DPYSL3: variants seen among roughly 807,000 people sequenced by gnomAD.
The protein encoded by DPYSL3 is dihydropyrimidinase-related protein 3.
Under a neutral mutation model 66.1 loss-of-function variants are expected in DPYSL3, and 16 were observed. The ratio of observed to expected loss-of-function variants is 0.24; its 90% CI spans 0.16 to 0.37. DPYSL3 has a LOEUF of 0.37. Among genes scored for constraint, DPYSL3 ranks in the 10% least tolerant of loss-of-function variants. The pLI is 1.00. For synonymous variants in DPYSL3, 338 were observed against 345.1 expected (o/e 0.98, Z 0.23); for missense variants, 738 against 916.2 (o/e 0.81, Z 2.51).
rs1757806652 is a variant in DPYSL3, at chr5:147,391,606, C to T, written c.*2429G>A. On this transcript the variant is annotated 3_prime_UTR_variant, in exon 14 of 14. Coordinates refer to ENST00000343218, the MANE Select transcript of DPYSL3 (RefSeq NM_001197294.2). The stretch of plus-strand genomic sequence containing the variant: ...CCAGTGAATTCGAAGAGGGCCGGGA[C>T]TCACCATTGTTTTCTTTTCCTAAAC... 6.6e-6 allele frequency: 1 copy of T among 152,220 alleles called. No homozygotes were observed. 9.4% of individuals were successfully genotyped at this position (152,220 alleles called of 1,614,324 possible). A position where few individuals can be genotyped will look rare whatever the true frequency, so the allele number is the denominator to read the frequency against.
intron 1 of DPYSL3, among the ~76,000 whole-genome samples, chr5:147,472,475 C>A (rs1254143443): frequency 6.6e-6 from 1 of 152,166 alleles, no homozygotes. Context: ...GAATTCTTTG[C>A]TTCCAACCTC....
At chr5:147,412,516 G>T (rs927968148) in intron 6 of DPYSL3, 92 bp downstream of exon 6, 11 of 1,274,198 alleles carry the variant, frequency 8.6e-6, no homozygotes, top group African/African-American at 1.5e-5. Context: ...ATGGTGCCTT[G>T]CACATATTGA....
At chr5:147,409,506 A>G (rs1403888016) in intron 6 of DPYSL3, among the ~76,000 whole-genome samples, 1 of 152,232 alleles carries the variant, frequency 6.6e-6, no homozygotes, top group Non-Finnish European at 1.5e-5. Flanking sequence ...TACCTAAGTT[A>G]GTGTCTTGGT....
chr5:147,489,245 C>A (rs1753379442), intron 1 of DPYSL3, among the ~76,000 whole-genome samples: 1 of 152,084 alleles, frequency 6.6e-6, no homozygotes, highest in African/African-American at 2.4e-5. Flanking sequence ...TGTTCTCAGT[C>A]TTCAGAAATT....
In DPYSL3 at chr5:147,397,783, G is replaced by C; in HGVS notation, c.1686C>G (p.Cys562Trp). The C allele has an allele frequency of 6.2e-7, 1 of 1,614,076 alleles. No homozygotes were observed. Among genetic ancestry groups the C allele is most frequent in the African/African-American group, 1.3e-5 (1 of 75,038 alleles). ...CATCTTCCAGCATGATCTTGCCCTG[G>C]CAGATGACAACCAGAGGAGCCCCGC... ...ELRGAPLVVI[C>W]QGKIMLEDGN... Residue 562 changes from cysteine (C) to tryptophan (W), a missense_variant, in exon 12 of 14, where the codon TGC (cysteine) becomes TGG (tryptophan). Coordinates refer to ENST00000343218, the MANE Select transcript of DPYSL3 (RefSeq NM_001197294.2).
At chr5:147,454,647 A>G (rs1415673603) in intron 1 of DPYSL3, among the ~76,000 whole-genome samples, 2 of 152,222 alleles carry the variant, frequency 1.3e-5, no homozygotes, top group Non-Finnish European at 1.5e-5. Flanking sequence ...GTGCGCAGCC[A>G]TGGATTTGGA....
chr5:147,412,746 G>A (rs140928396), intron 5 of DPYSL3, 58 bp from the exon 6 acceptor site: 448 of 1,489,526 alleles, frequency 3.0e-4, no homozygotes, highest in Non-Finnish European at 4.1e-4. Context: ...CCCCACAGAA[G>A]GGCCAATTAC....
At chr5:147,487,000 C>A (rs540642697) in intron 1 of DPYSL3, among the ~76,000 whole-genome samples, 39 of 152,262 alleles carry the variant, frequency 2.6e-4, no homozygotes, top group African/African-American at 8.4e-4. Context: ...AGCATTCTCC[C>A]CCTTTGCTTA....
intron 1 of DPYSL3, among the ~76,000 whole-genome samples, chr5:147,435,333 A>G (rs772300515): frequency 5.3e-5 from 8 of 152,228 alleles, no homozygotes; most frequent in Non-Finnish European, 1.0e-4. Flanking sequence ...CTTTAAGTAC[A>G]TGTTGTTCAA....
chr5:147,435,909 C>A (rs1197438690), intron 1 of DPYSL3, among the ~76,000 whole-genome samples: 2 of 152,056 alleles, frequency 1.3e-5, no homozygotes, highest in Admixed American at 6.5e-5. Flanking sequence ...GGAGCCATTG[C>A]CAAGGCCAGA....
chr5:147,458,899 A>C (rs1250565860), intron 1 of DPYSL3, among the ~76,000 whole-genome samples: 1 of 152,198 alleles, frequency 6.6e-6, no homozygotes, highest in South Asian at 2.1e-4. Flanking sequence ...GAACATACTG[A>C]AGATTAAATA....
intron 1 of DPYSL3, chr5:147,472,881 C>A (rs1277976049): frequency 6.6e-6 from 1 of 152,092 alleles, no homozygotes; most frequent in African/African-American, 2.4e-5. Context: ...TCTTTCCAAG[C>A]CATTAATAAC....
At chr5:147,399,616 G>C (rs999037141) in intron 10 of DPYSL3, among the ~76,000 whole-genome samples, 1 of 152,162 alleles carries the variant, frequency 6.6e-6, no homozygotes, top group African/African-American at 2.4e-5. Flanking sequence ...ATGTATTTGT[G>C]TTTGCATATG....
At chr5:147,464,362 G>C (rs997155855) in intron 1 of DPYSL3, among the ~76,000 whole-genome samples, 1 of 152,146 alleles carries the variant, frequency 6.6e-6, no homozygotes, top group Non-Finnish European at 1.5e-5. Flanking sequence ...TGCGGTTCTG[G>C]GTTATTTAGT....
intron 1 of DPYSL3, among the ~76,000 whole-genome samples, chr5:147,435,892 G>A (rs1344824023): frequency 2.6e-5 from 4 of 152,186 alleles, no homozygotes; most frequent in Admixed American, 6.5e-5. Context: ...GGGCCTACCA[G>A]CATCAGGGAG....
intron 4 of DPYSL3, 131 bp from the exon 5 acceptor site, chr5:147,413,788 AG>A: frequency 1.4e-6 from 1 of 717,720 alleles, no homozygotes; most frequent in South Asian, 1.7e-5. Flanking sequence ...AACATAAAGC[AG>A]ATATTTATAT....
intron 1 of DPYSL3, among the ~76,000 whole-genome samples, chr5:147,482,196 T>C (rs1753257895): frequency 6.6e-6 from 1 of 152,154 alleles, no homozygotes; most frequent in African/African-American, 2.4e-5. Context: ...CCCAATGTAA[T>C]TTACCAAGGA....
chr5:147,458,018 C>A (rs1024514968), intron 1 of DPYSL3, among the ~76,000 whole-genome samples: 4 of 152,110 alleles, frequency 2.6e-5, no homozygotes, highest in Non-Finnish European at 4.4e-5. Flanking sequence ...ATATGAAAAT[C>A]ATTTTCCAGG....
chr5:147,438,558 C>A (rs1471933262), intron 1 of DPYSL3, among the ~76,000 whole-genome samples: 1 of 152,196 alleles, frequency 6.6e-6, no homozygotes, highest in Non-Finnish European at 1.5e-5. Context: ...GGAATACATT[C>A]TCTGTGCTTA....
Sources: allele counts gnomAD v4.1 joint callset (sites outside exome capture counted in the v4.1 genomes callset), GRCh38; gene constraint gnomAD v4.1.1; transcripts MANE v1.5; gene names NCBI Gene and HGNC (gene_info 2026-07-23, HGNC 2026-07-21).